SAMMSON: variants seen among roughly 807,000 people sequenced by gnomAD.
The protein encoded by SAMMSON is survival associated mitochondrial melanoma specific oncogenic non-coding RNA.
At chr3:70,248,869 A>G (rs952711495) in intron 4 of SAMMSON, among the ~76,000 whole-genome samples, 1 of 152,160 alleles carries the variant, frequency 6.6e-6, no homozygotes, top group African/African-American at 2.4e-5. Context: ...AAGGAAATCA[A>G]TTGAAAGGAC....
chr3:70,126,265 T>C (rs2067458470), intron 4 of SAMMSON: 1 of 1,068,752 alleles, frequency 9.4e-7, no homozygotes, highest in South Asian at 1.4e-5. Context: ...CTTTTTTTTT[T>C]TTTTTCAGAG....
chr3:70,130,011 G>A lies in SAMMSON; in HGVS notation n.507+58446G>A, dbSNP rs2067475669. Among the ~76,000 whole-genome samples, 3 of 152,160 alleles carry A rather than the reference G, an allele frequency of 2.0e-5. No individual in the cohort carries two copies. In the South Asian group the frequency reaches 6.2e-4, roughly 32 times the overall value. Reference sequence around the variant, plus strand: ...GTAACCCTTTGTGTGTATGTGGTAAGAGCCCCTCTAATCAATGGAATGGCA... The same window carrying A: ...GTAACCCTTTGTGTGTATGTGGTAAAAGCCCCTCTAATCAATGGAATGGCA... On this transcript the variant is annotated intron_variant and non_coding_transcript_variant, in intron 4 of 9. Transcript: ENST00000642114.
chr3:70,111,996 A>G (rs1361255002), intron 4 of SAMMSON, among the ~76,000 whole-genome samples: 1 of 152,172 alleles, frequency 6.6e-6, no homozygotes, highest in East Asian at 1.9e-4. Flanking sequence ...TTTTTCCTGA[A>G]GGAAAGAATA....
intron 7 of SAMMSON, among the ~76,000 whole-genome samples, chr3:70,344,449 T>A (rs1354096432): frequency 6.6e-6 from 1 of 152,142 alleles, no homozygotes; most frequent in Non-Finnish European, 1.5e-5. Context: ...TCCATCCCAC[T>A]GACAGCCACC....
At chr3:70,043,912 A>T (rs1460895075) in intron 3 of SAMMSON, among the ~76,000 whole-genome samples, 5 of 151,884 alleles carry the variant, frequency 3.3e-5, no homozygotes, top group Admixed American at 6.6e-5. Flanking sequence ...TAGTATTATT[A>T]AAAAAAATCT....
At position 70,015,852 on chromosome 3, in the gene SAMMSON, T is replaced by C. The variant is rs538110456; in HGVS notation, n.417+2180T>C. On this transcript the variant is annotated intron_variant and non_coding_transcript_variant, in intron 3 of 9. Coordinates refer to ENST00000642114, the Ensembl canonical transcript of SAMMSON. Reference sequence around the variant, plus strand: ...TCTTGTGATAGTTTGCTGAGAATGATGGTTTCCAGCTTCATCCGTGTCCCT... The same window carrying C: ...TCTTGTGATAGTTTGCTGAGAATGACGGTTTCCAGCTTCATCCGTGTCCCT... Among the ~76,000 whole-genome samples, 6 of 152,270 alleles carry C rather than the reference T, an allele frequency of 3.9e-5. No individual in the cohort carries two copies. In the South Asian group the frequency reaches 1.2e-3, roughly 32 times the overall value.
chr3:70,372,720 G>A (rs1702980757), intron 9 of SAMMSON, among the ~76,000 whole-genome samples: 1 of 151,972 alleles, frequency 6.6e-6, no homozygotes, highest in Non-Finnish European at 1.5e-5. Flanking sequence ...TCCTCATCAG[G>A]GTCTTGTAGA....
At chr3:70,066,644 T>C (rs2067211291) in intron 3 of SAMMSON, among the ~76,000 whole-genome samples, 1 of 152,136 alleles carries the variant, frequency 6.6e-6, no homozygotes, top group Non-Finnish European at 1.5e-5. Flanking sequence ...TATTAACATG[T>C]AAAATAGTCT....
chr3:70,040,528 T>C (rs1244171288), intron 3 of SAMMSON, among the ~76,000 whole-genome samples: 1 of 152,186 alleles, frequency 6.6e-6, no homozygotes, highest in Non-Finnish European at 1.5e-5. Flanking sequence ...AATAGAATTC[T>C]AGAAGCTTTG....
At chr3:70,259,636 A>G (rs1186646387) in intron 6 of SAMMSON, among the ~76,000 whole-genome samples, 2 of 152,168 alleles carry the variant, frequency 1.3e-5, no homozygotes, top group East Asian at 3.9e-4. Flanking sequence ...ACACCCTGAA[A>G]GTCTGACGTG....
At chr3:70,077,978 A>G (rs2067254936) in intron 4 of SAMMSON, among the ~76,000 whole-genome samples, 1 of 152,144 alleles carries the variant, frequency 6.6e-6, no homozygotes. Context: ...CACTCTTGGC[A>G]TTCCTTGACC....
At chr3:70,091,357 C>T (rs2067304180) in intron 4 of SAMMSON, among the ~76,000 whole-genome samples, 1 of 152,118 alleles carries the variant, frequency 6.6e-6, no homozygotes, top group Non-Finnish European at 1.5e-5. Context: ...TAGAGATTTC[C>T]ACTGAAACAA....
intron 3 of SAMMSON, among the ~76,000 whole-genome samples, chr3:70,044,666 A>G (rs990992494): frequency 6.6e-6 from 1 of 151,860 alleles, no homozygotes; most frequent in African/African-American, 2.4e-5. Context: ...TTTTCCTATT[A>G]CTGTGTAACA....
intron 7 of SAMMSON, among the ~76,000 whole-genome samples, chr3:70,296,401 A>AG (rs1702289089): frequency 1.3e-5 from 2 of 152,128 alleles, no homozygotes; most frequent in Admixed American, 1.3e-4. Flanking sequence ...CAGAAAATGG[A>AG]CCTAATTTTA....
At chr3:70,251,923 T>C (rs1701773142) in intron 6 of SAMMSON, among the ~76,000 whole-genome samples, 2 of 152,356 alleles carry the variant, frequency 1.3e-5, no homozygotes, top group Admixed American at 6.5e-5. Context: ...ACTGTAATTA[T>C]GGCAATATTT....
intron 2 of SAMMSON, among the ~76,000 whole-genome samples, chr3:70,424,443 TAATG>T (rs1701338165): frequency 6.6e-6 from 1 of 152,188 alleles, no homozygotes; most frequent in Admixed American, 6.5e-5. Flanking sequence ...TTTCAAATGA[TAATG>T]AAAAACAACA....
At chr3:70,042,829 C>T (rs1478099409) in intron 3 of SAMMSON, among the ~76,000 whole-genome samples, 1 of 151,988 alleles carries the variant, frequency 6.6e-6, no homozygotes, top group African/African-American at 2.4e-5. Flanking sequence ...GAAAGGAGTC[C>T]AAAATAGCTG....
intron 7 of SAMMSON, among the ~76,000 whole-genome samples, chr3:70,337,673 T>C (rs1702675921): frequency 6.6e-6 from 1 of 151,986 alleles, no homozygotes; most frequent in African/African-American, 2.4e-5. Flanking sequence ...TATGGACTTA[T>C]ACGCTAACTT....
At chr3:70,125,045 A>G (rs932219672) in intron 4 of SAMMSON, 7 of 781,894 alleles carry the variant, frequency 9.0e-6, no homozygotes, top group Non-Finnish European at 1.6e-5. Context: ...ACAGGATTCA[A>G]AAGAAACCTT....
Sources: allele counts gnomAD v4.1 joint callset (sites outside exome capture counted in the v4.1 genomes callset), GRCh38; gene constraint gnomAD v4.1.1; transcripts MANE v1.5; gene names NCBI Gene and HGNC (gene_info 2026-07-23, HGNC 2026-07-21).